Variants in IQGAP2 observed in about 807,000 individuals in gnomAD.
The protein encoded by IQGAP2 is IQ motif containing GTPase activating protein 2.
Under a neutral mutation model 201.3 loss-of-function variants are expected in IQGAP2, and 173 were observed. The observed-to-expected ratio is 0.86, with a 90% confidence interval of 0.76 to 0.98. The LOEUF (loss-of-function observed/expected upper bound fraction) is 0.98, where lower values mean the gene tolerates loss of function less well. Ranked by LOEUF, IQGAP2 falls within the 50% of genes least tolerant of loss-of-function variation. IQGAP2 has a pLI of 0.00. For missense variants in IQGAP2, 1,687 were observed against 1,864.8 expected (o/e 0.90, Z 1.76); for synonymous variants, 675 against 673.9 (o/e 1.00, Z -0.03).
chr5:76,618,358 AC>A, intron 13 of IQGAP2: 1 of 1,614,228 alleles, frequency 6.2e-7, no homozygotes, highest in Non-Finnish European at 8.5e-7. Flanking sequence ...AAAAGCATCC[AC>A]AGGGTCACAG....
At chr5:76,609,513 G>A (rs1037692559) in intron 12 of IQGAP2, among the ~76,000 whole-genome samples, 2 of 152,092 alleles carry the variant, frequency 1.3e-5, no homozygotes, top group African/African-American at 4.8e-5. Context: ...CATTCTTAAC[G>A]AAGTGGTGGT....
chr5:76,572,469 T>A (rs957881046), intron 4 of IQGAP2, among the ~76,000 whole-genome samples: 9 of 149,194 alleles, frequency 6.0e-5, no homozygotes, highest in African/African-American at 2.2e-4. Flanking sequence ...TGGCCTGAAA[T>A]CTGTTTCTTA....
chr5:76,476,170 G>A (rs1210384079), intron 2 of IQGAP2, among the ~76,000 whole-genome samples: 1 of 152,210 alleles, frequency 6.6e-6, no homozygotes, highest in African/African-American at 2.4e-5. Flanking sequence ...TGTGGTTGGA[G>A]TGTAGTGGAG....
chr5:76,682,157 G>A (rs1219183734), intron 28 of IQGAP2, among the ~76,000 whole-genome samples: 1 of 152,184 alleles, frequency 6.6e-6, no homozygotes, highest in Non-Finnish European at 1.5e-5. Context: ...ACAGCTCTGT[G>A]AATACACTAG....
chr5:76,471,954 C>G (rs1429459845), intron 2 of IQGAP2, among the ~76,000 whole-genome samples: 3 of 152,220 alleles, frequency 2.0e-5, no homozygotes, highest in Non-Finnish European at 4.4e-5. Context: ...TCCACTGTAA[C>G]TCTCCATTTC....
chr5:76,700,897 A>T (rs1747319089), intron 33 of IQGAP2, among the ~76,000 whole-genome samples, 179 bp from the exon 34 acceptor site: 1 of 152,262 alleles, frequency 6.6e-6, no homozygotes, highest in Admixed American at 6.5e-5. Context: ...CAAACAGTTT[A>T]GTAGTGAAGT....
chr5:76,481,428 G>C (rs1755789821), intron 2 of IQGAP2, among the ~76,000 whole-genome samples: 1 of 151,858 alleles, frequency 6.6e-6, no homozygotes, highest in African/African-American at 2.4e-5. Flanking sequence ...TGTTGCTCAG[G>C]CTGGAGTGCA....
chr5:76,567,281 C>T (rs1023349813), intron 3 of IQGAP2, among the ~76,000 whole-genome samples: 1 of 152,080 alleles, frequency 6.6e-6, no homozygotes, highest in African/African-American at 2.4e-5. Context: ...TTTTGAAGAC[C>T]GACATGACAC....
At position 76,606,311 on chromosome 5, in the gene IQGAP2, T is replaced by G; in HGVS notation, c.1357+8T>G. 1.3e-6 allele frequency: 2 copies of G among 1,586,454 alleles called. No individual in the cohort carries two copies. Among genetic ancestry groups the G allele is most frequent in the South Asian group, 2.4e-5 (2 of 84,724 alleles). On this transcript the variant is annotated splice_region_variant and intron_variant, in intron 12 of 35. Transcript: ENST00000274364. ...TTCAAGAAGAAAATGACCGTAAGTA[T>G]AAGACACTTTCCTTCTCTAGCATAG...
At chr5:76,457,170 G>A (rs1441452389) in intron 1 of IQGAP2, among the ~76,000 whole-genome samples, 1 of 151,878 alleles carries the variant, frequency 6.6e-6, no homozygotes, top group Non-Finnish European at 1.5e-5. Flanking sequence ...GTATTTTTTT[G>A]TAGAGATGGG....
At chr5:76,573,943 A>C (rs1191153630) in intron 4 of IQGAP2, among the ~76,000 whole-genome samples, 2 of 152,170 alleles carry the variant, frequency 1.3e-5, no homozygotes, top group South Asian at 2.1e-4. Flanking sequence ...TCTCATTGAT[A>C]CTTTAGTAGC....
At chr5:76,437,883 T>A (rs1448569905) in intron 1 of IQGAP2, among the ~76,000 whole-genome samples, 3 of 152,226 alleles carry the variant, frequency 2.0e-5, no homozygotes, top group African/African-American at 4.8e-5. Flanking sequence ...TTCTTTTGGA[T>A]ATATACCCAG....
chr5:76,658,392 G>C, intron 20 of IQGAP2, 67 bp from the exon 21 acceptor site: 4 of 1,292,098 alleles, frequency 3.1e-6, no homozygotes, highest in Non-Finnish European at 4.5e-6. Context: ...TTAAGACCTT[G>C]TTTCTTTCCT....
intron 1 of IQGAP2, among the ~76,000 whole-genome samples, chr5:76,409,012 C>T (rs765169948): frequency 5.3e-5 from 8 of 151,928 alleles, no homozygotes; most frequent in Admixed American, 1.3e-4. Flanking sequence ...AGGCTGGTCT[C>T]GAACTTCCTA....
In IQGAP2 at chr5:76,674,559, C is replaced by T. The variant is rs1181386371; in HGVS notation, c.3377C>T (p.Ala1126Val). 1 of 1,614,086 alleles carries T rather than the reference C, an allele frequency of 6.2e-7. No homozygotes were observed. Among genetic ancestry groups the T allele is most frequent in the South Asian group, 1.1e-5 (1 of 91,078 alleles). Residue 1126 changes from alanine to valine, a missense_variant, in exon 27 of 36, where the codon GCT becomes GTT. By Grantham distance (64) the Ala-to-Val change is moderately conservative (BLOSUM62 0). Transcript: ENST00000274364. ...GGCTTTGATATCATCGACATGACAG[C>T]TGGAGGTCAGATAAATTCTGACCAA... ...PDGFDIIDMT[A>V]GGQINSDQRR...
intron 1 of IQGAP2, among the ~76,000 whole-genome samples, chr5:76,455,361 G>A (rs1386805549): frequency 1.3e-5 from 2 of 149,430 alleles, no homozygotes; most frequent in African/African-American, 4.9e-5. Context: ...GCTGAGTCAT[G>A]AGAATCGCTT....
chr5:76,605,792 A>T (rs554279290), intron 11 of IQGAP2, among the ~76,000 whole-genome samples: 8 of 152,296 alleles, frequency 5.3e-5, no homozygotes, highest in South Asian at 2.1e-4. Flanking sequence ...AAAGATTGAG[A>T]CCCATAGTAA....
intron 35 of IQGAP2, among the ~76,000 whole-genome samples, chr5:76,706,619 A>G (rs1747928732): frequency 6.6e-6 from 1 of 152,200 alleles, no homozygotes; most frequent in African/African-American, 2.4e-5. Flanking sequence ...AACTGCTGGT[A>G]TTACAGGAAT....
At chr5:76,579,803 G>A (rs943790227) in intron 5 of IQGAP2, among the ~76,000 whole-genome samples, 1 of 152,070 alleles carries the variant, frequency 6.6e-6, no homozygotes, top group Non-Finnish European at 1.5e-5. Flanking sequence ...CACTTAGTTA[G>A]TGGATGTGAC....
Sources: gnomAD v4.1 joint callset for allele counts (sites outside exome capture counted in the v4.1 genomes callset) on GRCh38, gnomAD v4.1.1 for gene constraint, MANE v1.5 for transcripts, NCBI Gene and HGNC (gene_info 2026-07-23, HGNC 2026-07-21) for gene names.